Variants in XG observed in about 807,000 individuals in gnomAD.
XG encodes the protein glycoprotein Xg.
XG carries 24 observed loss-of-function variants against 25.7 expected under a neutral mutation model. The ratio of observed to expected loss-of-function variants is 0.93; its 90% CI spans 0.68 to 1.31. The LOEUF is 1.31. XG is among the 40% of genes most tolerant of loss of function. The pLI, the probability that XG is intolerant of heterozygous loss-of-function variation, is 0.00. For synonymous variants in XG, 77 were observed against 69.2 expected, an observed-to-expected ratio of 1.11 and a Z score of -0.56; for missense variants, 181 against 187.6, an observed-to-expected ratio of 0.96 and a Z score of 0.21.
intron 4 of XG, among the ~76,000 whole-genome samples, chrX:2,786,235 C>T (rs1469039073): frequency 2.0e-5 from 2 of 101,265 alleles, no homozygotes; most frequent in Admixed American, 2.2e-4. Context: ...TTTTCTCTGA[C>T]CCCAGCAGCT....
chrX:2,768,467 G>T (rs2050746660), intron 1 of XG, among the ~76,000 whole-genome samples: 1 of 152,134 alleles, frequency 6.6e-6, no homozygotes, highest in Non-Finnish European at 1.5e-5. Context: ...GGACCATGAT[G>T]ATCAAGAGCG....
At chrX:2,772,108 C>A (rs994024298) in intron 2 of XG, among the ~76,000 whole-genome samples, 5 of 152,120 alleles carry the variant, frequency 3.3e-5, no homozygotes. Context: ...GCAAGAGAAC[C>A]CTGTGCAATA....
At chrX:2,771,175 T>G (rs1465734975) in intron 2 of XG, among the ~76,000 whole-genome samples, 8 of 151,996 alleles carry the variant, frequency 5.3e-5, no homozygotes, top group Non-Finnish European at 1.2e-4. Flanking sequence ...TTTCTTACAC[T>G]TCAGTTCATA....
chrX:2,794,395 C>T, intron 5 of XG, 140 bp from the exon 6 acceptor site: 1 of 630,634 alleles, frequency 1.6e-6, no homozygotes, highest in Non-Finnish European at 2.4e-6. Flanking sequence ...ATTCCTGGTG[C>T]CTGTGGGCGT....
At chrX:2,805,844 G>T (rs1181223784) in intron 7 of XG, among the ~76,000 whole-genome samples, 1 of 111,747 alleles carries the variant, frequency 8.9e-6, no homozygotes, top group African/African-American at 3.3e-5. Flanking sequence ...TACAGTCACA[G>T]TCTGATGCCC....
chrX:2,789,054 G>A (rs780739627), intron 4 of XG, among the ~76,000 whole-genome samples: 1 of 111,305 alleles, frequency 9.0e-6, no homozygotes, highest in African/African-American at 3.3e-5. Flanking sequence ...AACATAGCAA[G>A]ACCTTGTCTC....
chrX:2,773,580 AG>A (rs2050891241), intron 2 of XG, among the ~76,000 whole-genome samples: 1 of 83,272 alleles, frequency 1.2e-5, no homozygotes, highest in Non-Finnish European at 2.5e-5. Flanking sequence ...GGAAGGAAGG[AG>A]AGAAGGAAGG....
chrX:2,768,458 G>C (rs1430390170), intron 1 of XG, among the ~76,000 whole-genome samples: 2 of 152,168 alleles, frequency 1.3e-5, no homozygotes, highest in African/African-American at 4.8e-5. Flanking sequence ...GAGCAGCTTG[G>C]ACCATGATGA....
intron 1 of XG, among the ~76,000 whole-genome samples, chrX:2,761,872 C>T (rs1209415266): frequency 6.6e-6 from 1 of 152,182 alleles, no homozygotes; most frequent in African/African-American, 2.4e-5. Context: ...GTGGGAGAAT[C>T]AAGGTTGTTG....
intron 1 of XG, chrX:2,752,777 G>A (rs995866768): frequency 2.9e-5 from 8 of 274,506 alleles, no homozygotes; most frequent in Non-Finnish European, 3.9e-5. Flanking sequence ...CCAGAGATTC[G>A]TTTGCCGGAA....
chrX:2,772,383 C>G (rs1288958230), intron 2 of XG, among the ~76,000 whole-genome samples: 4 of 152,150 alleles, frequency 2.6e-5, no homozygotes, highest in South Asian at 2.1e-4. Flanking sequence ...TATGATTTGG[C>G]TGTAAAAAGG....
intron 2 of XG, among the ~76,000 whole-genome samples, chrX:2,772,468 G>T (rs2050839131): frequency 6.6e-6 from 1 of 152,194 alleles, no homozygotes; most frequent in South Asian, 2.1e-4. Flanking sequence ...AAAGGCCACA[G>T]GGTGTAGGAT....
chrX:2,774,439 G>C (rs767358109), intron 2 of XG, among the ~76,000 whole-genome samples: 1 of 148,898 alleles, frequency 6.7e-6, no homozygotes. Flanking sequence ...GTGGCTCTAC[G>C]GGCAGGTGGC....
intron 1 of XG, among the ~76,000 whole-genome samples, chrX:2,754,337 C>T (rs1438006099): frequency 3.0e-4 from 46 of 152,144 alleles, no homozygotes; most frequent in Admixed American, 2.2e-3. Flanking sequence ...TCAGCTCAAA[C>T]GATCCTCCTG....
At chrX:2,760,482 T>C (rs2050538760) in intron 1 of XG, among the ~76,000 whole-genome samples, 1 of 151,014 alleles carries the variant, frequency 6.6e-6, no homozygotes, top group Non-Finnish European at 1.5e-5. Flanking sequence ...ATGCCTGTAA[T>C]CCCAGCACTT....
chrX:2,761,869 A>G (rs2050573083), intron 1 of XG, among the ~76,000 whole-genome samples: 1 of 152,152 alleles, frequency 6.6e-6, no homozygotes, highest in Non-Finnish European at 1.5e-5. Context: ...ACTGTGGGAG[A>G]ATCAAGGTTG....
Position 2,815,916 on chromosome X carries a change from A to G in XG, c.*1536A>G, listed in dbSNP as rs1320109487. ...TTTTTAATCATTTTAAATAAATGTA[A>G]AAGAAAAATAACTGGATTTGATTAT... On this transcript the variant is annotated 3_prime_UTR_variant, in exon 11 of 11. Transcript: ENST00000644266. 1 of 112,121 alleles carries G rather than the reference A, an allele frequency of 8.9e-6. No homozygotes were observed. The highest frequency in any genetic ancestry group is 1.9e-5 in the Non-Finnish European group (1 of 53,247). The allele number at this position is 112,121 out of a possible 1,213,427, so 9.2% of individuals were successfully genotyped here.
chrX:2,811,348 C>T lies in XG; in HGVS notation c.467C>T (p.Ala156Val). Residue 156 changes from alanine (A) to valine (V), a missense_variant, in exon 10 of 11, where the codon GCA becomes GTA. Transcript: ENST00000644266. ...TCCACTCCTGCAGGCAATATGGTAG[C>T]AAAAATCGTGTCTCCCATCGTATCC... is the stretch of plus-strand genomic sequence containing the variant. ...TYGNPEGNMVAKIVSPIVSVV... is the reference protein window; with the variant it reads ...TYGNPEGNMVVKIVSPIVSVV... The T allele has an allele frequency of 8.3e-7, 1 of 1,206,791 alleles. No homozygotes were observed.
intron 3 of XG, among the ~76,000 whole-genome samples, chrX:2,776,768 A>T (rs893466757): frequency 6.6e-6 from 1 of 152,172 alleles, no homozygotes; most frequent in African/African-American, 2.4e-5. Context: ...GAATGGCGTG[A>T]ACCCGGGAGG....
Sources: gnomAD v4.1 joint callset for allele counts (sites outside exome capture counted in the v4.1 genomes callset) on GRCh38, gnomAD v4.1.1 for gene constraint, MANE v1.5 for transcripts, NCBI Gene and HGNC (gene_info 2026-07-23, HGNC 2026-07-21) for gene names.